MARCHF1: variants seen among roughly 807,000 people sequenced by gnomAD.
MARCHF1 encodes E3 ubiquitin-protein ligase MARCHF1.
MARCHF1 carries 40 observed loss-of-function variants against 54.2 expected under a neutral mutation model. That is an observed-to-expected ratio of 0.74 (90% CI 0.57 to 0.96). The LOEUF (loss-of-function observed/expected upper bound fraction) is 0.96. MARCHF1 is among the 40% of genes least tolerant of loss of function. MARCHF1 has a pLI of 0.00. For missense variants in MARCHF1, 586 were observed against 656.5 expected (o/e 0.89, Z 1.17); for synonymous variants, 236 against 236.3 (o/e 1.00, Z 0.01).
intron 1 of MARCHF1, among the ~76,000 whole-genome samples, chr4:164,276,947 T>TATATATATATATATATATATATAG (rs1392528920): frequency 8.4e-5 from 10 of 118,788 alleles, no homozygotes; most frequent in East Asian, 7.5e-4. Context: ...TATATATATA[T>TATATATATATATATATATATATAG]AGAGAGAGAG....
intron 4 of MARCHF1, among the ~76,000 whole-genome samples, chr4:163,718,146 A>T (rs948255013): frequency 1.3e-5 from 2 of 152,364 alleles, no homozygotes; most frequent in Middle Eastern, 6.8e-3. Context: ...TACACAAAAA[A>T]TTAATTCAAG....
intron 5 of MARCHF1, among the ~76,000 whole-genome samples, chr4:163,663,109 C>T (rs1579171526): frequency 6.6e-6 from 1 of 152,048 alleles, no homozygotes; most frequent in Admixed American, 6.6e-5. Flanking sequence ...TTCTTGTATA[C>T]ACAGAATTCA....
intron 4 of MARCHF1, among the ~76,000 whole-genome samples, chr4:163,764,371 A>G (rs934592547): frequency 2.0e-5 from 3 of 152,108 alleles, no homozygotes; most frequent in Admixed American, 6.6e-5. Flanking sequence ...AGCTTGTTGA[A>G]GTATTTTCAG....
chr4:164,258,293 T>G (rs559397730), intron 1 of MARCHF1, among the ~76,000 whole-genome samples: 22 of 152,094 alleles, frequency 1.4e-4, no homozygotes, highest in Non-Finnish European at 2.9e-4. Context: ...AAATACCTAA[T>G]GTAGATGACT....
At chr4:164,303,874 T>C (rs765968918) in intron 1 of MARCHF1, among the ~76,000 whole-genome samples, 1 of 152,198 alleles carries the variant, frequency 6.6e-6, no homozygotes, top group African/African-American at 2.4e-5. Flanking sequence ...TATTTGCTAT[T>C]AGGAAAGAGA....
intron 1 of MARCHF1, among the ~76,000 whole-genome samples, chr4:164,184,346 T>G (rs1730910963): frequency 6.6e-6 from 1 of 152,330 alleles, no homozygotes; most frequent in African/African-American, 2.4e-5. Flanking sequence ...ATCTATATGC[T>G]TTTGCCACAT....
chr4:163,577,046 T>TTA (rs1414369983), intron 8 of MARCHF1, among the ~76,000 whole-genome samples: 1 of 152,104 alleles, frequency 6.6e-6, no homozygotes, highest in Non-Finnish European at 1.5e-5. Context: ...AGTGGGGCAT[T>TTA]TAGACCATTT....
At chr4:163,705,679 T>C (rs1744930759) in intron 4 of MARCHF1, among the ~76,000 whole-genome samples, 1 of 151,962 alleles carries the variant, frequency 6.6e-6, no homozygotes, top group Non-Finnish European at 1.5e-5. Context: ...GGAAACCCCT[T>C]ATAGTAATAA....
intron 1 of MARCHF1, among the ~76,000 whole-genome samples, chr4:164,287,591 G>T (rs1043028133): frequency 1.3e-5 from 2 of 151,504 alleles, no homozygotes; most frequent in African/African-American, 4.9e-5. Flanking sequence ...TAAATGAAAA[G>T]TAACCCTTCC....
intron 4 of MARCHF1, among the ~76,000 whole-genome samples, chr4:163,797,754 T>C (rs1561082856): frequency 6.6e-6 from 1 of 152,112 alleles, no homozygotes; most frequent in Non-Finnish European, 1.5e-5. Context: ...TTTTAGAAAA[T>C]CCATTCTTAT....
intron 3 of MARCHF1, among the ~76,000 whole-genome samples, chr4:163,971,591 A>G (rs1752548347): frequency 6.6e-6 from 1 of 152,206 alleles, no homozygotes; most frequent in Admixed American, 6.5e-5. Context: ...ACACTAGGCA[A>G]ATGTGGCCAA....
At chr4:164,151,861 A>G (rs1729951574) in intron 1 of MARCHF1, among the ~76,000 whole-genome samples, 1 of 152,112 alleles carries the variant, frequency 6.6e-6, no homozygotes, top group African/African-American at 2.4e-5. Flanking sequence ...TCATGTGTTT[A>G]TAGAACTGCA....
In MARCHF1 at chr4:164,029,183, A is replaced by G. The variant is rs1753828036; in HGVS notation, c.-247-40474T>C. On this transcript the variant is annotated intron_variant, in intron 2 of 9. Coordinates refer to ENST00000514618, the MANE Select transcript of MARCHF1 (RefSeq NM_001394959.1). The stretch of plus-strand genomic sequence containing the variant: ...AATTGATACTTGGCAATTTATTTTA[A>G]AAAGAGGCTTAATTGGCCCACAGTT... 1.3e-5 allele frequency among the ~76,000 whole-genome samples: 2 copies of G among 152,132 alleles called. 1 individual carries two copies. The highest frequency in any genetic ancestry group is 1.3e-4 in the Admixed American group (2 of 15,266).
chr4:163,960,548 C>T (rs1392129456), intron 3 of MARCHF1, among the ~76,000 whole-genome samples: 9 of 151,788 alleles, frequency 5.9e-5, no homozygotes, highest in Admixed American at 1.3e-4. Flanking sequence ...AGCAAACTAA[C>T]GCAGGAATAG....
intron 1 of MARCHF1, among the ~76,000 whole-genome samples, chr4:164,148,764 ATAAG>A (rs1490427301): frequency 1.3e-5 from 2 of 151,664 alleles, no homozygotes; most frequent in Admixed American, 6.6e-5. Context: ...ATTAATTCCT[ATAAG>A]TAATTCTAGA....
chr4:164,068,156 G>A (rs1579506899), intron 2 of MARCHF1, among the ~76,000 whole-genome samples: 1 of 152,226 alleles, frequency 6.6e-6, no homozygotes, highest in Admixed American at 6.5e-5. Flanking sequence ...GTGGAAAGCA[G>A]TATGTAGATT....
chr4:163,993,689 T>C (rs1023077511), intron 2 of MARCHF1, among the ~76,000 whole-genome samples: 2 of 152,098 alleles, frequency 1.3e-5, no homozygotes, highest in Non-Finnish European at 2.9e-5. Flanking sequence ...CAAAAGAACA[T>C]CATCACAAAC....
intron 2 of MARCHF1, among the ~76,000 whole-genome samples, chr4:164,087,106 G>C (rs1755206931): frequency 6.6e-6 from 1 of 152,066 alleles, no homozygotes. Flanking sequence ...CTTTGCCTCA[G>C]AGATGAAGCA....
chr4:163,537,236 G>C (rs1484099222), intron 9 of MARCHF1, among the ~76,000 whole-genome samples: 1 of 152,164 alleles, frequency 6.6e-6, no homozygotes, highest in African/African-American at 2.4e-5. Flanking sequence ...TCAGGAAGAT[G>C]TACTTGCCTC....
Sources: gnomAD v4.1 joint callset for allele counts (sites outside exome capture counted in the v4.1 genomes callset) on GRCh38, gnomAD v4.1.1 for gene constraint, MANE v1.5 for transcripts, NCBI Gene and HGNC (gene_info 2026-07-23, HGNC 2026-07-21) for gene names.